The following ALDH1A1 variants were observed in gnomAD, a reference collection of about 807,000 sequenced individuals.
ALDH1A1 encodes the protein aldehyde dehydrogenase 1 family member A1, also known as aldehyde dehydrogenase 1A1.
A neutral mutation model predicts 62.1 loss-of-function variants in ALDH1A1; 19 were observed. The ratio of observed to expected loss-of-function variants is 0.31; its 90% CI spans 0.21 to 0.45. The LOEUF (loss-of-function observed/expected upper bound fraction) is 0.45. Ranked by LOEUF, ALDH1A1 falls within the 20% of genes least tolerant of loss-of-function variation. The pLI, the probability that ALDH1A1 is intolerant of heterozygous loss-of-function variation, is 1.00. For synonymous variants in ALDH1A1, 231 were observed against 215.9 expected, an observed-to-expected ratio of 1.07 and a Z score of -0.61; for missense variants, 521 against 607.1, an observed-to-expected ratio of 0.86 and a Z score of 1.49.
chr9:72,936,623 A>C (rs1830350078), intron 2 of ALDH1A1, among the ~76,000 whole-genome samples: 1 of 152,102 alleles, frequency 6.6e-6, no homozygotes, highest in Non-Finnish European at 1.5e-5. Context: ...CTTCTTTGAA[A>C]GGTGAAGAAT....
chr9:72,912,781 C>T (rs1166523577), intron 9 of ALDH1A1, among the ~76,000 whole-genome samples: 1 of 152,136 alleles, frequency 6.6e-6, no homozygotes, highest in African/African-American at 2.4e-5. Context: ...TAACTATGTG[C>T]CAAGTATTAC....
intron 1 of ALDH1A1, among the ~76,000 whole-genome samples, chr9:72,941,588 T>G (rs1010196318): frequency 6.6e-6 from 1 of 152,176 alleles, no homozygotes; most frequent in Non-Finnish European, 1.5e-5. Flanking sequence ...ATCTTCAGTG[T>G]CCAACAGCCC....
chr9:72,934,907 G>T (rs2118555204), intron 2 of ALDH1A1, among the ~76,000 whole-genome samples: 1 of 151,260 alleles, frequency 6.6e-6, no homozygotes. Flanking sequence ...CTGTAAGGCT[G>T]CCCTAATAAT....
At chr9:72,917,890 T>C (rs1252875431) in intron 8 of ALDH1A1, among the ~76,000 whole-genome samples, 2 of 152,240 alleles carry the variant, frequency 1.3e-5, no homozygotes, top group African/African-American at 2.4e-5. Flanking sequence ...ACTAATTACA[T>C]CTGCTTAAGT....
intron 1 of ALDH1A1, among the ~76,000 whole-genome samples, chr9:72,947,656 T>C (rs893466142): frequency 6.6e-6 from 1 of 151,988 alleles, no homozygotes; most frequent in Non-Finnish European, 1.5e-5. Flanking sequence ...CTAGTACTAC[T>C]GGTTTTGATA....
intron 11 of ALDH1A1, 60 bp downstream of exon 11, chr9:72,909,542 G>C (rs1829952909): frequency 1.4e-6 from 2 of 1,435,926 alleles, no homozygotes; most frequent in Admixed American, 4.8e-5. Flanking sequence ...AAAAGTTCAA[G>C]GTAGTAATCT....
intron 11 of ALDH1A1, among the ~76,000 whole-genome samples, chr9:72,907,825 A>G (rs1300627400): frequency 1.3e-5 from 2 of 152,198 alleles, no homozygotes. Context: ...CACAGTAACT[A>G]TGCTGAATTT....
rs537136535 is a variant in ALDH1A1, at chr9:72,916,729, T to C, written c.1035+191A>G. Among the ~76,000 whole-genome samples, 26 of 152,296 alleles carry C rather than the reference T, an allele frequency of 1.7e-4. 1 individual carries two copies. The highest frequency in any genetic ancestry group is 1.0e-3 in the South Asian group (5 of 4,826). On this transcript the variant is annotated intron_variant, in intron 9 of 12. Coordinates refer to ENST00000297785, the MANE Select transcript of ALDH1A1 (RefSeq NM_000689.5). ...GTAAACTGTTTCTAGACATGAAAACTGGGCAACACAAAAACAGGATGATTT... is the reference window on the plus strand; with the variant it reads ...GTAAACTGTTTCTAGACATGAAAACCGGGCAACACAAAAACAGGATGATTT...
intron 2 of ALDH1A1, among the ~76,000 whole-genome samples, chr9:72,935,556 C>T (rs530150630): frequency 3.9e-5 from 6 of 152,264 alleles, no homozygotes; most frequent in East Asian, 1.9e-4. Context: ...CTTACTTTAA[C>T]GGACATTTAC....
chr9:72,909,695 T>C lies in ALDH1A1; in HGVS notation c.1265A>G (p.Asn422Ser). Residue 422 changes from asparagine (N) to serine (S), a missense_variant, in exon 11 of 13, where the codon AAC (asparagine) becomes AGC (serine). By Grantham distance (46) the Asn-to-Ser change is conservative. Coordinates refer to ENST00000297785, the MANE Select transcript of ALDH1A1 (RefSeq NM_000689.5). The stretch of plus-strand genomic sequence containing the variant: ...TGCTGATAAGCCATAGAAAGTATTG[T>C]TTGCTCTTTTGATCACGTCATCTAA... ...KSLDDVIKRA[N>S]NTFYGLSAGV... 1 of 1,613,882 alleles carries C rather than the reference T, an allele frequency of 6.2e-7. No individual in the cohort carries two copies.
At position 72,937,695 on chromosome 9, in the gene ALDH1A1, G is replaced by A. The variant is rs186312050; in HGVS notation, c.171+2453C>T. ...GTTGGGGATGGACACTGGGCATGAC[G>A]AAGTTGAAAGTCTTAAGTTAATGCG... On this transcript the variant is annotated intron_variant, in intron 2 of 12. Coordinates refer to ENST00000297785, the MANE Select transcript of ALDH1A1 (RefSeq NM_000689.5). Among the ~76,000 whole-genome samples the A allele has an allele frequency of 5.2e-4, 79 of 152,268 alleles. 1 individual carries two copies. In the South Asian group the frequency reaches 0.013, roughly 26 times the overall value.
Position 72,917,107 on chromosome 9 carries a change from G to A in ALDH1A1, c.851-3C>T. ...TGCAAATTCAACAGCATTGTCCACT[G>A]CGAAGAAGACATTCACATTAAAGAT... is the stretch of plus-strand genomic sequence containing the variant. On this transcript the variant is annotated splice_polypyrimidine_tract_variant and splice_region_variant and intron_variant, in intron 8 of 12. Coordinates refer to ENST00000297785, the MANE Select transcript of ALDH1A1 (RefSeq NM_000689.5). 6.6e-7 allele frequency: 1 copy of A among 1,526,712 alleles called. No homozygotes were observed. The highest frequency in any genetic ancestry group is 8.8e-7 in the Non-Finnish European group (1 of 1,136,924). 94.6% of individuals were successfully genotyped at this position (1,526,712 alleles called of 1,614,324 possible). A position where few individuals can be genotyped will look rare whatever the true frequency, so the allele number is the denominator to read the frequency against.
intron 1 of ALDH1A1, among the ~76,000 whole-genome samples, chr9:72,943,295 T>C (rs1248523534): frequency 6.6e-6 from 1 of 152,172 alleles, no homozygotes; most frequent in Non-Finnish European, 1.5e-5. Context: ...TGATAATCTG[T>C]GGTTTCAAGT....
At chr9:72,912,600 C>G (rs1050255006) in intron 9 of ALDH1A1, among the ~76,000 whole-genome samples, 3 of 152,060 alleles carry the variant, frequency 2.0e-5, no homozygotes, top group African/African-American at 7.2e-5. Context: ...TTTGATCTCC[C>G]CATTTCTGAA....
In ALDH1A1 at chr9:72,911,995, G is replaced by C. The variant is rs369333828; in HGVS notation, c.1163C>G (p.Ser388Cys). The change falls in exon 10 of 13, where the codon TCT becomes TGT. Residue 388 changes from serine (S) to cysteine (C), a missense_variant. Physicochemically the swap from Ser to Cys is moderately radical, Grantham distance 112. Transcript: ENST00000297785. ...KGYFVQPTVFSNVTDEMRIAK... is the reference protein window; with the variant it reads ...KGYFVQPTVFCNVTDEMRIAK... ...AATGCGCATCTCATCTGTAACATTA[G>C]AGAACACTGTGGGCTGGACAAAGTA... 1.2e-6 allele frequency: 2 copies of C among 1,613,864 alleles called. No homozygotes were observed. Among genetic ancestry groups the C allele is most frequent in the Non-Finnish European group, 8.5e-7 (1 of 1,179,922 alleles).
rs561201126 is a variant in ALDH1A1 at position 72,913,381 on chromosome 9, G to A, written c.1036-1259C>T. Among the ~76,000 whole-genome samples, 16 of 152,220 alleles carry A rather than the reference G, an allele frequency of 1.1e-4. 1 individual carries two copies. In the South Asian group the frequency reaches 2.1e-3, roughly 20 times the overall value. On this transcript the variant is annotated intron_variant, in intron 9 of 12. Transcript: ENST00000297785. Reference sequence around the variant, plus strand: ...ATTAAGAAAAAAATAGTGTTAAGAAGAAATATTTAAATTACTACATAGGTT... The same window carrying A: ...ATTAAGAAAAAAATAGTGTTAAGAAAAAATATTTAAATTACTACATAGGTT...
chr9:72,914,068 G>A (rs901528697), intron 9 of ALDH1A1, among the ~76,000 whole-genome samples: 1 of 152,164 alleles, frequency 6.6e-6, no homozygotes, highest in African/African-American at 2.4e-5. Flanking sequence ...CATGTGATGG[G>A]CCATTGGCCT....
At chr9:72,928,550 AC>A (rs1830240447) in intron 4 of ALDH1A1, among the ~76,000 whole-genome samples, 1 of 152,196 alleles carries the variant, frequency 6.6e-6, no homozygotes, top group African/African-American at 2.4e-5. Context: ...TTGGAATAAA[AC>A]CCAAATAAAT....
chr9:72,906,756 A>G (rs8187983), intron 11 of ALDH1A1, among the ~76,000 whole-genome samples: 7,385 of 152,218 alleles, frequency 0.049, 549 homozygotes, highest in African/African-American at 0.17. Flanking sequence ...AAGTTAGCAA[A>G]ATCTAATTAT....
Sources: gnomAD v4.1 joint callset for allele counts (sites outside exome capture counted in the v4.1 genomes callset) on GRCh38, gnomAD v4.1.1 for gene constraint, MANE v1.5 for transcripts, NCBI Gene and HGNC (gene_info 2026-07-23, HGNC 2026-07-21) for gene names.